The following TRPM3 variants were observed in gnomAD, a reference collection of about 807,000 sequenced individuals.
TRPM3 encodes long transient receptor potential channel 3.
TRPM3 carries 77 observed loss-of-function variants against 181.2 expected under a neutral mutation model. That is an observed-to-expected ratio of 0.42 (90% CI 0.35 to 0.51). The LOEUF (loss-of-function observed/expected upper bound fraction) is 0.51. Ranked by LOEUF, TRPM3 falls within the 20% of genes least tolerant of loss-of-function variation. The pLI is 0.01. For missense variants in TRPM3, 1,759 were observed against 2,196.7 expected (o/e 0.80, Z 3.98); for synonymous variants, 745 against 796.4 (o/e 0.94, Z 1.09).
At chr9:70,741,153 A>G (rs1270365803) in intron 8 of TRPM3, among the ~76,000 whole-genome samples, 1 of 152,236 alleles carries the variant, frequency 6.6e-6, no homozygotes, top group Non-Finnish European at 1.5e-5. Flanking sequence ...GACTATGGAC[A>G]TGAATATACA....
chr9:70,671,514 T>TA (rs1397766119), intron 9 of TRPM3, among the ~76,000 whole-genome samples: 1 of 146,768 alleles, frequency 6.8e-6, no homozygotes, highest in Non-Finnish European at 1.5e-5. Flanking sequence ...CCATTAAAAT[T>TA]AAAAAAGGTA....
chr9:71,301,890 T>C (rs2086810060), intron 1 of TRPM3, among the ~76,000 whole-genome samples: 1 of 152,150 alleles, frequency 6.6e-6, no homozygotes, highest in Non-Finnish European at 1.5e-5. Context: ...TAAATTCCTT[T>C]CTATTTCTGT....
At chr9:70,657,345 T>C (rs1421330191) in intron 9 of TRPM3, among the ~76,000 whole-genome samples, 3 of 152,012 alleles carry the variant, frequency 2.0e-5, no homozygotes, top group Admixed American at 2.0e-4. Flanking sequence ...TTTTTGCTTT[T>C]TTCTCCCCTT....
chr9:70,596,547 C>T (rs915826349), intron 21 of TRPM3, among the ~76,000 whole-genome samples: 4 of 151,980 alleles, frequency 2.6e-5, no homozygotes, highest in Non-Finnish European at 5.9e-5. Context: ...GCCTGGCCAA[C>T]CTAGTGAAAC....
At chr9:71,443,645 C>A (rs2094164236) in intron 1 of TRPM3, among the ~76,000 whole-genome samples, 1 of 152,052 alleles carries the variant, frequency 6.6e-6, no homozygotes, top group Admixed American at 6.5e-5. Flanking sequence ...CTAAGATTAG[C>A]GTCAAAATCA....
At chr9:70,571,061 C>T (rs1300076014) in intron 22 of TRPM3, among the ~76,000 whole-genome samples, 1 of 152,130 alleles carries the variant, frequency 6.6e-6, no homozygotes, top group Non-Finnish European at 1.5e-5. Context: ...CAAATGGAAG[C>T]CCGTAGCATC....
chr9:70,998,276 T>C (rs1159440585), intron 1 of TRPM3, among the ~76,000 whole-genome samples: 1 of 148,634 alleles, frequency 6.7e-6, no homozygotes, highest in Non-Finnish European at 1.5e-5. Context: ...TTTTTTTTAG[T>C]ATTTTTCTTA....
chr9:71,336,017 AAACT>A (rs1428462758), intron 1 of TRPM3, among the ~76,000 whole-genome samples: 1 of 152,104 alleles, frequency 6.6e-6, no homozygotes, highest in African/African-American at 2.4e-5. Flanking sequence ...CATTCAAAAC[AAACT>A]ATTAGCTTAT....
At chr9:70,589,673 A>ATG in intron 22 of TRPM3, among the ~76,000 whole-genome samples, 1 of 152,260 alleles carries the variant, frequency 6.6e-6, no homozygotes, top group African/African-American at 2.4e-5. Context: ...CAACCAGGAG[A>ATG]TGGAGTTAAA....
intron 1 of TRPM3, among the ~76,000 whole-genome samples, chr9:71,197,847 T>G (rs1406405619): frequency 7.0e-6 from 1 of 142,034 alleles, no homozygotes. Context: ...TGGTAGTTTC[T>G]TTTGCTGTGC....
intron 1 of TRPM3, among the ~76,000 whole-genome samples, chr9:71,428,948 GAAAA>G (rs34737844): frequency 9.8e-4 from 119 of 121,964 alleles, no homozygotes; most frequent in African/African-American, 2.8e-3. Context: ...TGTTTCAAAG[GAAAA>G]AAAAAAAAAA....
chr9:70,643,821 T>C (rs1267462892), intron 9 of TRPM3, among the ~76,000 whole-genome samples: 1 of 152,232 alleles, frequency 6.6e-6, no homozygotes, highest in Non-Finnish European at 1.5e-5. Context: ...CCCCAATGAT[T>C]CTAATGTGAG....
chr9:71,055,715 A>G lies in TRPM3; in HGVS notation c.177+65463T>C, dbSNP rs146781669. 3.6e-4 allele frequency among the ~76,000 whole-genome samples: 55 copies of G among 152,166 alleles called. No individual in the cohort carries two copies. In the East Asian group the frequency reaches 9.9e-3, roughly 27 times the overall value. ...TCTTTATGCCAGTTCCTTAAAGACA[A>G]TATTATATGTGCCAGGGTTGCTACA... On this transcript the variant is annotated intron_variant, in intron 1 of 25. Coordinates refer to ENST00000677713, the MANE Select transcript of TRPM3 (RefSeq NM_001366145.2).
intron 1 of TRPM3, among the ~76,000 whole-genome samples, chr9:71,142,992 AAG>A (rs1554834223): frequency 3.4e-5 from 5 of 147,800 alleles, no homozygotes; most frequent in African/African-American, 1.3e-4. Context: ...AAAAAAAAAA[AAG>A]AAAGAAAAAA....
chr9:70,628,142 A>C (rs900423767), intron 12 of TRPM3, among the ~76,000 whole-genome samples: 3 of 152,178 alleles, frequency 2.0e-5, no homozygotes, highest in Middle Eastern at 3.2e-3. Context: ...GCTTTCCTGG[A>C]CTGTTAGGCG....
At chr9:70,941,576 A>G (rs917080135) in intron 1 of TRPM3, among the ~76,000 whole-genome samples, 2 of 152,170 alleles carry the variant, frequency 1.3e-5, no homozygotes, top group African/African-American at 2.4e-5. Context: ...CATCTATCCT[A>G]TTAGTTCTGT....
At chr9:71,032,638 A>C (rs1277592112) in intron 1 of TRPM3, among the ~76,000 whole-genome samples, 1 of 152,156 alleles carries the variant, frequency 6.6e-6, no homozygotes, top group African/African-American at 2.4e-5. Context: ...TCTAAGTTTT[A>C]AATTGTTTCA....
intron 5 of TRPM3, among the ~76,000 whole-genome samples, chr9:70,831,135 C>T (rs1176518632): frequency 2.6e-5 from 4 of 152,134 alleles, no homozygotes; most frequent in Admixed American, 2.6e-4. Context: ...TTCCCAAATA[C>T]CTCAAAGGAA....
intron 1 of TRPM3, among the ~76,000 whole-genome samples, chr9:71,244,012 G>A (rs2081886614): frequency 6.6e-6 from 1 of 152,178 alleles, no homozygotes; most frequent in Admixed American, 6.6e-5. Flanking sequence ...ACATGTCTTA[G>A]ATTAAGGCAC....
Sources: gnomAD v4.1 joint callset for allele counts (sites outside exome capture counted in the v4.1 genomes callset) on GRCh38, gnomAD v4.1.1 for gene constraint, MANE v1.5 for transcripts, NCBI Gene and HGNC (gene_info 2026-07-23, HGNC 2026-07-21) for gene names.